The following AKR1D1 variants were observed in gnomAD, a reference collection of about 807,000 sequenced individuals.
AKR1D1 encodes aldo-keto reductase family 1 member D1.
AKR1D1 carries 32 observed loss-of-function variants against 42.6 expected under a neutral mutation model. That is an observed-to-expected ratio of 0.75 (90% confidence interval 0.57 to 1.01). AKR1D1 has a LOEUF of 1.01. AKR1D1 is among the 50% of genes least tolerant of loss of function. The pLI is 0.00. For missense variants in AKR1D1, 364 were observed against 402.2 expected, an observed-to-expected ratio of 0.91 and a Z score of 0.81; for synonymous variants, 123 against 135.5, an observed-to-expected ratio of 0.91 and a Z score of 0.64.
At chr7:138,080,871 TG>T (rs1803040810) in intron 1 of AKR1D1, among the ~76,000 whole-genome samples, 2 of 152,284 alleles carry the variant, frequency 1.3e-5, no homozygotes, top group South Asian at 4.1e-4. Flanking sequence ...CCTCCTGTCT[TG>T]GTCTCCTGAA....
intron 1 of AKR1D1, among the ~76,000 whole-genome samples, chr7:138,080,259 G>A (rs887943330): frequency 4.6e-5 from 7 of 152,030 alleles, no homozygotes; most frequent in African/African-American, 1.2e-4. Context: ...TAATAGAGAC[G>A]AGGTATCTCT....
At chr7:138,113,331 T>C (rs1311408393) in intron 7 of AKR1D1, among the ~76,000 whole-genome samples, 3 of 149,204 alleles carry the variant, frequency 2.0e-5, no homozygotes, top group Non-Finnish European at 4.5e-5. Flanking sequence ...AAAAAAAAAA[T>C]CATATTTAGA....
chr7:138,086,870 CT>C (rs1308440689), intron 1 of AKR1D1, among the ~76,000 whole-genome samples: 6 of 152,186 alleles, frequency 3.9e-5, no homozygotes, highest in Non-Finnish European at 8.8e-5. Flanking sequence ...CTAAAAGATG[CT>C]TTGAAAATTA....
At chr7:138,085,165 C>A (rs1803146932) in intron 1 of AKR1D1, among the ~76,000 whole-genome samples, 2 of 151,614 alleles carry the variant, frequency 1.3e-5, no homozygotes, top group Admixed American at 1.3e-4. Context: ...ATACATCTCA[C>A]TGCTGCTTCT....
chr7:138,111,077 C>T (rs527995866), intron 7 of AKR1D1, among the ~76,000 whole-genome samples: 1 of 152,254 alleles, frequency 6.6e-6, no homozygotes, highest in Non-Finnish European at 1.5e-5. Context: ...TATATTTCAG[C>T]CACTAATTCC....
At chr7:138,098,067 A>G in intron 4 of AKR1D1, 124 bp downstream of exon 4, 1 of 801,572 alleles carries the variant, frequency 1.2e-6, no homozygotes, top group African/African-American at 1.7e-5. Context: ...CAGTCAGAAC[A>G]GGCATTCCTA....
At chr7:138,102,631 C>G (rs1054783809) in intron 4 of AKR1D1, among the ~76,000 whole-genome samples, 1 of 152,164 alleles carries the variant, frequency 6.6e-6, no homozygotes, top group Admixed American at 6.6e-5. Flanking sequence ...CTATTAGAAT[C>G]ATGACAGTGC....
rs533121342 is a variant in AKR1D1 at position 138,079,629 on chromosome 7, A to G, written c.93+3018A>G. 3.3e-5 allele frequency among the ~76,000 whole-genome samples: 5 copies of G among 152,364 alleles called. No individual in the cohort carries two copies. The South Asian group carries it at 1.0e-3, about 32-fold the overall frequency. On this transcript the variant is annotated intron_variant, in intron 1 of 8. Coordinates refer to ENST00000242375, the MANE Select transcript of AKR1D1 (RefSeq NM_005989.4). ...AAGTAATTATTAATTTGTAAGCAAC[A>G]GCAACTCATTCAGATTTTGGATGAC...
intron 1 of AKR1D1, 81 bp from the exon 2 acceptor site, chr7:138,088,520 C>A: frequency 6.8e-7 from 1 of 1,460,592 alleles, no homozygotes; most frequent in Non-Finnish European, 9.6e-7. Context: ...AAGGAATGTA[C>A]ATGCAAAATG....
In AKR1D1 at chr7:138,107,476, T is replaced by C. The variant is rs765261654; in HGVS notation, c.751T>C (p.Tyr251His). 2.5e-6 allele frequency: 4 copies of C among 1,614,008 alleles called. No individual in the cohort carries two copies. In the East Asian group the frequency reaches 6.7e-5, roughly 27 times the overall value. The stretch of plus-strand genomic sequence containing the variant: ...ACTTCTAAACTCATTGGGGAAAAGG[T>C]ACAATAAGACAGCAGCTCAAATTGT... ...DALLNSLGKR[Y>H]NKTAAQIVLR... Residue 251 changes from tyrosine to histidine, a missense_variant, in exon 7 of 9, where the codon TAC becomes CAC. By Grantham distance (83) the Tyr-to-His change is moderately conservative. Transcript: ENST00000242375.
intron 1 of AKR1D1, among the ~76,000 whole-genome samples, chr7:138,085,356 G>T (rs1297420114): frequency 1.3e-5 from 2 of 151,788 alleles, no homozygotes; most frequent in African/African-American, 4.8e-5. Flanking sequence ...CTTATTAAAT[G>T]AGTCATCATC....
At chr7:138,108,451 A>G (rs990061738) in intron 7 of AKR1D1, among the ~76,000 whole-genome samples, 3 of 152,228 alleles carry the variant, frequency 2.0e-5, no homozygotes, top group Admixed American at 6.5e-5. Flanking sequence ...AATACTTGGT[A>G]ATATTTGGGG....
chr7:138,101,922 A>G (rs1794326530), intron 4 of AKR1D1, among the ~76,000 whole-genome samples: 1 of 152,150 alleles, frequency 6.6e-6, no homozygotes, highest in Non-Finnish European at 1.5e-5. Context: ...TCTAAAATTT[A>G]TATGGGGCCT....
chr7:138,105,796 A>T (rs1245196368), intron 5 of AKR1D1, among the ~76,000 whole-genome samples: 5 of 152,072 alleles, frequency 3.3e-5, no homozygotes, highest in African/African-American at 1.2e-4. Flanking sequence ...GAGGCAGGGG[A>T]ATTGCTTAAA....
At chr7:138,101,138 G>C (rs1284456244) in intron 4 of AKR1D1, among the ~76,000 whole-genome samples, 3 of 145,402 alleles carry the variant, frequency 2.1e-5, no homozygotes, top group Non-Finnish European at 4.4e-5. Context: ...CAAAATATAA[G>C]AGTGTTTTCT....
chr7:138,102,119 G>A (rs977440712), intron 4 of AKR1D1, among the ~76,000 whole-genome samples: 25 of 152,160 alleles, frequency 1.6e-4, no homozygotes, highest in African/African-American at 5.6e-4. Flanking sequence ...GCTGCAGCAT[G>A]AGAATCACTT....
chr7:138,088,541 T>C, intron 1 of AKR1D1, 60 bp from the exon 2 acceptor site: 1 of 1,564,046 alleles, frequency 6.4e-7, no homozygotes, highest in Non-Finnish European at 8.8e-7. Context: ...TCCTGATTAA[T>C]GATTATTAAA....
At chr7:138,103,726 G>A (rs1262470092) in intron 4 of AKR1D1, among the ~76,000 whole-genome samples, 1 of 151,840 alleles carries the variant, frequency 6.6e-6, no homozygotes, top group Non-Finnish European at 1.5e-5. Flanking sequence ...GCATTATTAG[G>A]GATAAAAAGA....
chr7:138,099,628 T>C (rs1794250947), intron 4 of AKR1D1, among the ~76,000 whole-genome samples: 1 of 151,558 alleles, frequency 6.6e-6, no homozygotes, highest in Non-Finnish European at 1.5e-5. Flanking sequence ...AAAGAAAAGC[T>C]AAGAAATTCA....
Sources: allele counts gnomAD v4.1 joint callset (sites outside exome capture counted in the v4.1 genomes callset), GRCh38; gene constraint gnomAD v4.1.1; transcripts MANE v1.5; gene names NCBI Gene and HGNC (gene_info 2026-07-23, HGNC 2026-07-21).